Variants in TMEM163 observed in about 807,000 individuals in gnomAD.
TMEM163 encodes the protein transmembrane protein 163.
In TMEM163, 17 loss-of-function variants were observed where a neutral mutation model predicts 29.3. The observed-to-expected ratio is 0.58, with a 90% CI of 0.40 to 0.87. The LOEUF (loss-of-function observed/expected upper bound fraction) is 0.87. TMEM163 is among the 40% of genes least tolerant of loss of function. The pLI, the probability that TMEM163 is intolerant of heterozygous loss-of-function variation, is 0.00. For missense variants in TMEM163, 303 were observed against 381.5 expected, an observed-to-expected ratio of 0.79 and a Z score of 1.71; for synonymous variants, 157 against 160.6, an observed-to-expected ratio of 0.98 and a Z score of 0.17.
chr2:134,580,636 G>GC (rs1681670805), intron 2 of TMEM163, among the ~76,000 whole-genome samples: 1 of 152,196 alleles, frequency 6.6e-6, no homozygotes, highest in Admixed American at 6.5e-5. Context: ...TAGAGGCCGG[G>GC]CGCAGTGGCT....
intron 4 of TMEM163, among the ~76,000 whole-genome samples, chr2:134,517,310 T>C (rs1469372747): frequency 6.6e-6 from 1 of 151,996 alleles, no homozygotes; most frequent in Non-Finnish European, 1.5e-5. Context: ...CCCAATGGAG[T>C]ATACATTACC....
intron 1 of TMEM163, among the ~76,000 whole-genome samples, chr2:134,717,002 G>T (rs1029731986): frequency 6.6e-6 from 1 of 152,210 alleles, no homozygotes; most frequent in Non-Finnish European, 1.5e-5. Flanking sequence ...ATGCTTTCAT[G>T]CTATCATATA....
intron 4 of TMEM163, among the ~76,000 whole-genome samples, chr2:134,545,797 G>A (rs1680769048): frequency 6.6e-6 from 1 of 152,124 alleles, no homozygotes; most frequent in South Asian, 2.1e-4. Context: ...GTTTTTAGCA[G>A]CCTACTCTCA....
intron 6 of TMEM163, among the ~76,000 whole-genome samples, chr2:134,462,628 C>A (rs936630796): frequency 6.6e-6 from 1 of 152,214 alleles, no homozygotes; most frequent in South Asian, 2.1e-4. Context: ...ATACTGCTTA[C>A]GTGTGTGATG....
At position 134,650,878 on chromosome 2, in the gene TMEM163, A is replaced by C. The variant is rs1162023690; in HGVS notation, c.322+62322T>G. ...TCCCTACAAAGGACACGAACTCATC[A>C]TTTTTTATGGCTGCATTGTATTCCA... is the stretch of plus-strand genomic sequence containing the variant. On this transcript the variant is annotated intron_variant, in intron 2 of 7. Coordinates refer to ENST00000281924, the MANE Select transcript of TMEM163 (RefSeq NM_030923.5). Among the ~76,000 whole-genome samples, 4 of 134,124 alleles carry C rather than the reference A, an allele frequency of 3.0e-5. 1 individual carries two copies. Among genetic ancestry groups the C allele is most frequent in the African/African-American group, 6.6e-5 (2 of 30,138 alleles). 88.0% of individuals were successfully genotyped at this position (134,124 alleles called of 152,430 possible). A position where few individuals can be genotyped will look rare whatever the true frequency, so the allele number is the denominator to read the frequency against.
chr2:134,604,287 G>T (rs1682301941), intron 2 of TMEM163, among the ~76,000 whole-genome samples: 1 of 152,058 alleles, frequency 6.6e-6, no homozygotes, highest in Admixed American at 6.6e-5. Context: ...TGAGGGGGAC[G>T]GACTAAATTC....
At chr2:134,699,259 T>A (rs1243608868) in intron 2 of TMEM163, among the ~76,000 whole-genome samples, 1 of 152,166 alleles carries the variant, frequency 6.6e-6, no homozygotes, top group Non-Finnish European at 1.5e-5. Context: ...ATCCCAGTAC[T>A]TTGGGAGGCC....
At chr2:134,661,109 ATG>A (rs1683738021) in intron 2 of TMEM163, among the ~76,000 whole-genome samples, 1 of 152,010 alleles carries the variant, frequency 6.6e-6, no homozygotes. Context: ...GCACTCACAC[ATG>A]CTTACGTACT....
At chr2:134,655,035 C>G (rs1683567552) in intron 2 of TMEM163, among the ~76,000 whole-genome samples, 1 of 105,502 alleles carries the variant, frequency 9.5e-6, no homozygotes, top group Non-Finnish European at 1.8e-5. Context: ...CTTGGAGTTG[C>G]TCTTCTCGAG....
chr2:134,661,140 A>AACAC (rs1385037508), intron 2 of TMEM163, among the ~76,000 whole-genome samples: 1 of 142,542 alleles, frequency 7.0e-6, no homozygotes, highest in African/African-American at 2.7e-5. Flanking sequence ...CACACATACA[A>AACAC]ACACACACAC....
intron 2 of TMEM163, among the ~76,000 whole-genome samples, chr2:134,709,385 A>G (rs564627578): frequency 2.0e-5 from 3 of 152,316 alleles, no homozygotes; most frequent in African/African-American, 7.2e-5. Context: ...AAAATAGTTC[A>G]CATCCCTTTC....
At chr2:134,532,031 G>A (rs1278033616) in intron 4 of TMEM163, among the ~76,000 whole-genome samples, 1 of 152,188 alleles carries the variant, frequency 6.6e-6, no homozygotes, top group African/African-American at 2.4e-5. Context: ...GTTATGCCAG[G>A]AAACCGGGAA....
chr2:134,639,108 A>G (rs1683172283), intron 2 of TMEM163, among the ~76,000 whole-genome samples: 3 of 152,200 alleles, frequency 2.0e-5, no homozygotes, highest in Admixed American at 2.0e-4. Flanking sequence ...ACAGTCATCT[A>G]TCAACACAAC....
chr2:134,593,792 C>T (rs377561102), intron 2 of TMEM163, among the ~76,000 whole-genome samples: 1 of 151,134 alleles, frequency 6.6e-6, no homozygotes, highest in Non-Finnish European at 1.5e-5. Flanking sequence ...TTGAAGACTA[C>T]GACACTGACT....
chr2:134,653,093 A>G (rs1328813282), intron 2 of TMEM163, among the ~76,000 whole-genome samples: 2 of 115,410 alleles, frequency 1.7e-5, no homozygotes, highest in East Asian at 2.2e-4. Flanking sequence ...CTCTTTTTCT[A>G]TTGATTGGAA....
intron 5 of TMEM163, among the ~76,000 whole-genome samples, chr2:134,501,685 G>A (rs1044325346): frequency 3.3e-5 from 5 of 152,270 alleles, no homozygotes; most frequent in South Asian, 4.2e-4. Context: ...AGGAGGACGC[G>A]AGAGTCCCAT....
rs183422270 is a variant in TMEM163, at chr2:134,493,193, C to G, written c.555+9708G>C. ...TCCCTTTTCTTATTGGGTTGTTTGC[C>G]TTCTTAAGCTATTCTTTACACATTC... On this transcript the variant is annotated intron_variant, in intron 5 of 7. Coordinates refer to ENST00000281924, the MANE Select transcript of TMEM163 (RefSeq NM_030923.5). Among the ~76,000 whole-genome samples the G allele has an allele frequency of 3.0e-3, 462 of 151,750 alleles. 2 individuals carry two copies. The highest frequency in any genetic ancestry group is 0.011 in the African/African-American group (437 of 41,362).
intron 2 of TMEM163, among the ~76,000 whole-genome samples, chr2:134,687,141 C>A (rs1252083657): frequency 6.6e-6 from 1 of 152,194 alleles, no homozygotes; most frequent in African/African-American, 2.4e-5. Flanking sequence ...CCTCTACTTG[C>A]AAGATGGCCA....
At chr2:134,655,820 G>C (rs1162190331) in intron 2 of TMEM163, among the ~76,000 whole-genome samples, 2 of 141,876 alleles carry the variant, frequency 1.4e-5, no homozygotes, top group African/African-American at 2.9e-5. Flanking sequence ...TGAGGTGTCA[G>C]TCTGCCCCTG....
Sources: allele counts gnomAD v4.1 joint callset (sites outside exome capture counted in the v4.1 genomes callset), GRCh38; gene constraint gnomAD v4.1.1; transcripts MANE v1.5; gene names NCBI Gene and HGNC (gene_info 2026-07-23, HGNC 2026-07-21).